Variants in ABCA4 observed in about 807,000 individuals in gnomAD.
The protein encoded by ABCA4 is retinal-specific phospholipid-transporting ATPase ABCA4.
Under a neutral mutation model 263.7 loss-of-function variants are expected in ABCA4, and 196 were observed. That is an observed-to-expected ratio of 0.74 (90% CI 0.66 to 0.84). ABCA4 has a LOEUF of 0.84. ABCA4 is among the 40% of genes least tolerant of loss of function. The pLI is 0.00. For synonymous variants in ABCA4, 1,133 were observed against 1,094.2 expected (o/e 1.04, Z -0.70); for missense variants, 2,792 against 2,855.1 (o/e 0.98, Z 0.50).
chr1:94,023,291 T>A, intron 32 of ABCA4, 95 bp downstream of exon 32: 1 of 1,053,578 alleles, frequency 9.5e-7, no homozygotes. Context: ...GAACAGCCCC[T>A]CCTCATGGCT....
At chr1:94,018,910 A>T (rs372737854) in intron 36 of ABCA4, among the ~76,000 whole-genome samples, 1 of 150,590 alleles carries the variant, frequency 6.6e-6, no homozygotes, top group Non-Finnish European at 1.5e-5. Flanking sequence ...GCGGTGGTTA[A>T]TCTAATAAGT....
chr1:94,007,613 C>G (rs1460123099), intron 43 of ABCA4, 21 bp downstream of exon 43: 1 of 1,593,438 alleles, frequency 6.3e-7, no homozygotes, highest in South Asian at 1.1e-5. Context: ...CTCCCTGAGA[C>G]AGGAGGAGCA....
chr1:94,048,286 C>T (rs1660741685), intron 18 of ABCA4, among the ~76,000 whole-genome samples: 1 of 150,516 alleles, frequency 6.6e-6, no homozygotes, highest in African/African-American at 2.4e-5. Context: ...GGGAGAAATA[C>T]AGAACTAGTT....
intron 6 of ABCA4, among the ~76,000 whole-genome samples, chr1:94,097,794 G>C (rs1332024233): frequency 6.6e-6 from 1 of 152,198 alleles, no homozygotes; most frequent in African/African-American, 2.4e-5. Context: ...CTGTCACCCA[G>C]GCTGGAGTGC....
intron 1 of ABCA4, among the ~76,000 whole-genome samples, chr1:94,114,691 G>C (rs532323956): frequency 8.1e-4 from 124 of 152,260 alleles, no homozygotes; most frequent in Non-Finnish European, 1.5e-3. Flanking sequence ...GTTTCACCAT[G>C]TTAGCCAGGA....
chr1:93,998,905 A>ATTTTTTTTTTTTTTT (rs11370620), intron 47 of ABCA4, among the ~76,000 whole-genome samples: 1 of 135,822 alleles, frequency 7.4e-6, no homozygotes, highest in Non-Finnish European at 1.6e-5. Context: ...CACTCGGCTA[A>ATTTTTTTTTTTTTTT]TTTTTTTTTT....
chr1:94,048,991 C>G, intron 17 of ABCA4, 34 bp from the exon 18 acceptor site: 1 of 1,608,774 alleles, frequency 6.2e-7, no homozygotes, highest in Non-Finnish European at 8.5e-7. Context: ...TACTCTACCA[C>G]CGGGAGCTGA....
At chr1:94,035,714 C>A (rs1471249805) in intron 26 of ABCA4, among the ~76,000 whole-genome samples, 2 of 152,188 alleles carry the variant, frequency 1.3e-5, no homozygotes, top group South Asian at 2.1e-4. Context: ...TTGCCTGTAC[C>A]AGGAGAGGAT....
chr1:94,112,550 T>G (rs914141258), intron 2 of ABCA4, among the ~76,000 whole-genome samples: 1 of 152,216 alleles, frequency 6.6e-6, no homozygotes, highest in African/African-American at 2.4e-5. Context: ...GTAATCCCAG[T>G]GCTTTAGAAC....
intron 5 of ABCA4, among the ~76,000 whole-genome samples, chr1:94,100,021 G>A (rs3789421): frequency 0.16 from 23,695 of 152,152 alleles, 1,946 homozygotes; most frequent in Middle Eastern, 0.22. Flanking sequence ...ACTGAGTACC[G>A]TGGGCAAATT....
Position 94,111,587 on chromosome 1 carries a change from A to G in ABCA4, c.161-8T>C, listed in dbSNP as rs2101162989. ...CCTTGTTGGGGAAATGGCCTTTAAA[A>G]CAGAAAATGAGGACAAGACGGGATT... On this transcript the variant is annotated splice_polypyrimidine_tract_variant and splice_region_variant and intron_variant, in intron 2 of 49. Transcript: ENST00000370225. 6.2e-7 allele frequency: 1 copy of G among 1,614,144 alleles called. No homozygotes were observed. Among genetic ancestry groups the G allele is most frequent in the Non-Finnish European group, 8.5e-7 (1 of 1,180,008 alleles).
chr1:94,071,333 C>T (rs935247243), intron 11 of ABCA4, among the ~76,000 whole-genome samples: 9 of 152,218 alleles, frequency 5.9e-5, no homozygotes, highest in Admixed American at 5.2e-4. Context: ...TAGCTACTTT[C>T]AAGCAGGAAA....
At chr1:94,019,824 T>C (rs773041879) in intron 35 of ABCA4, 65 bp from the exon 36 acceptor site, 148 of 1,552,570 alleles carry the variant, frequency 9.5e-5, no homozygotes, top group Non-Finnish European at 1.2e-4. Flanking sequence ...GAGGAGAAGA[T>C]ACAAAGTCAG....
At chr1:94,040,837 A>C (rs1194101981) in intron 23 of ABCA4, among the ~76,000 whole-genome samples, 1 of 152,140 alleles carries the variant, frequency 6.6e-6, no homozygotes, top group African/African-American at 2.4e-5. Flanking sequence ...GTTTTCACTT[A>C]CCACTGAAAT....
At position 94,001,986 on chromosome 1, in the gene ABCA4, T is replaced by A; in HGVS notation, c.6154A>T (p.Asn2052Tyr). 1 of 1,614,100 alleles carries A rather than the reference T, an allele frequency of 6.2e-7. No homozygotes were observed. Among genetic ancestry groups the A allele is most frequent in the Non-Finnish European group, 8.5e-7 (1 of 1,180,018 alleles). The change falls in exon 45 of 50, where the codon AAC becomes TAC. Residue 2052 changes from asparagine to tyrosine, a missense_variant. Asn to Tyr is a moderately radical substitution (Grantham distance 143). Coordinates refer to ENST00000370225, the MANE Select transcript of ABCA4 (RefSeq NM_000350.3). ...VPAEEIEKVA[N>Y]WSIKSLGLTV... ...AGGCCCAGGCTCTTAATACTCCAGTTTGCAACCTAGGGAAGAGAAAGAAAT... is the reference window on the plus strand; with the variant it reads ...AGGCCCAGGCTCTTAATACTCCAGTATGCAACCTAGGGAAGAGAAAGAAAT...
In ABCA4 at chr1:94,062,604, A is replaced by G; in HGVS notation, c.1910T>C (p.Met637Thr). 1 of 1,608,118 alleles carries G rather than the reference A, an allele frequency of 6.2e-7. No individual in the cohort carries two copies. Among genetic ancestry groups the G allele is most frequent in the Non-Finnish European group, 8.5e-7 (1 of 1,176,662 alleles). Residue 637 changes from methionine (M) to threonine (T), a missense_variant, in exon 13 of 50, where the codon ATG becomes ACG. Transcript: ENST00000370225. The stretch of plus-strand genomic sequence containing the variant: ...ATCGTCCACGAAGCAGGGGTAGGGC[A>G]TCTGCTGGAGGTAGATTCCAACTGG... ...EAPVGIYLQQ[M>T]PYPCFVDDSF...
rs1475142019 is a variant in ABCA4, at chr1:94,005,631, T to A, written c.6006-49A>T. On this transcript the variant is annotated intron_variant, in intron 43 of 49. Coordinates refer to ENST00000370225, the MANE Select transcript of ABCA4 (RefSeq NM_000350.3). The stretch of plus-strand genomic sequence containing the variant: ...GAGTATCCTTCAAGGAGTGGAGGGA[T>A]GACCATAGAGCTAGGGCTGGAGAAG... The A allele has an allele frequency of 3.8e-6, 6 of 1,591,698 alleles. No individual in the cohort carries two copies. In the East Asian group the frequency reaches 1.3e-4, roughly 36 times the overall value.
At chr1:94,053,626 G>A (rs942752692) in intron 16 of ABCA4, among the ~76,000 whole-genome samples, 3 of 152,216 alleles carry the variant, frequency 2.0e-5, no homozygotes, top group South Asian at 2.1e-4. Flanking sequence ...ATGTGCAGAC[G>A]AAGGATCAGC....
chr1:94,098,401 A>G (rs902081820), intron 6 of ABCA4, among the ~76,000 whole-genome samples: 5 of 152,144 alleles, frequency 3.3e-5, no homozygotes, highest in Non-Finnish European at 5.9e-5. Context: ...AAAGTATTAT[A>G]TTTGTTTTAT....
Sources: gnomAD v4.1 joint callset for allele counts (sites outside exome capture counted in the v4.1 genomes callset) on GRCh38, gnomAD v4.1.1 for gene constraint, MANE v1.5 for transcripts, NCBI Gene and HGNC (gene_info 2026-07-23, HGNC 2026-07-21) for gene names.